The following ROBO1 variants were observed in gnomAD, a reference collection of about 807,000 sequenced individuals.
ROBO1 encodes roundabout homolog 1.
In ROBO1, 149 loss-of-function variants were observed where a neutral mutation model predicts 195.9. That is an observed-to-expected ratio of 0.76 (90% CI 0.67 to 0.87). ROBO1 has a LOEUF of 0.87. Ranked by LOEUF, ROBO1 falls within the 40% of genes least tolerant of loss-of-function variation. ROBO1 has a pLI of 0.00. For missense variants in ROBO1, 1,933 were observed against 2,068.3 expected (o/e 0.93, Z 1.27); for synonymous variants, 816 against 733.2 (o/e 1.11, Z -1.82).
chr3:79,414,199 T>TTC (rs911573952), intron 2 of ROBO1, among the ~76,000 whole-genome samples: 35 of 148,354 alleles, frequency 2.4e-4, no homozygotes, highest in Admixed American at 6.1e-4. Flanking sequence ...CTCTCTCTCT[T>TTC]TCTCTCTCTC....
chr3:78,695,161 C>T (rs1438258492), intron 8 of ROBO1, among the ~76,000 whole-genome samples: 2 of 151,438 alleles, frequency 1.3e-5, no homozygotes, highest in Non-Finnish European at 2.9e-5. Flanking sequence ...GGAGATACAC[C>T]TAATGTAAAT....
chr3:79,465,479 G>T (rs1032979097), intron 2 of ROBO1, among the ~76,000 whole-genome samples: 5 of 152,046 alleles, frequency 3.3e-5, no homozygotes, highest in African/African-American at 1.2e-4. Context: ...TTAACTTTTT[G>T]AATTCTCAAA....
intron 3 of ROBO1, among the ~76,000 whole-genome samples, chr3:78,966,334 T>C (rs527763668): frequency 1.3e-5 from 2 of 152,366 alleles, no homozygotes; most frequent in African/African-American, 4.8e-5. Flanking sequence ...GAAATCCCAA[T>C]CTGTAGCAAC....
chr3:79,012,247 T>C (rs1322562109), intron 3 of ROBO1, among the ~76,000 whole-genome samples: 1 of 152,208 alleles, frequency 6.6e-6, no homozygotes, highest in East Asian at 1.9e-4. Context: ...CTATTTCCTA[T>C]ATGCTGCATA....
chr3:78,873,857 A>G (rs963259208), intron 4 of ROBO1, among the ~76,000 whole-genome samples: 1 of 152,106 alleles, frequency 6.6e-6, no homozygotes, highest in Non-Finnish European at 1.5e-5. Flanking sequence ...TATATACAGC[A>G]ATACTATGAC....
intron 10 of ROBO1, among the ~76,000 whole-genome samples, chr3:78,671,403 A>G (rs889173263): frequency 6.6e-6 from 1 of 152,148 alleles, no homozygotes; most frequent in African/African-American, 2.4e-5. Context: ...ACAAATGTAC[A>G]AAGAAAGATT....
intron 2 of ROBO1, among the ~76,000 whole-genome samples, chr3:79,126,030 C>A (rs1275793186): frequency 3.9e-5 from 6 of 152,134 alleles, no homozygotes; most frequent in Admixed American, 2.6e-4. Flanking sequence ...TGGGGAAAAA[C>A]AGGTCTTGTC....
chr3:78,715,507 CA>C (rs1189139984), intron 7 of ROBO1, among the ~76,000 whole-genome samples: 7 of 152,120 alleles, frequency 4.6e-5, no homozygotes, highest in Non-Finnish European at 1.0e-4. Flanking sequence ...ATGTAACACC[CA>C]TAGTGCTAAC....
chr3:79,299,920 G>A (rs919247425), intron 2 of ROBO1, among the ~76,000 whole-genome samples: 3 of 150,676 alleles, frequency 2.0e-5, no homozygotes, highest in South Asian at 2.1e-4. Flanking sequence ...GAATATTAAC[G>A]ATATAAAAAA....
At chr3:78,895,957 C>T (rs1032207483) in intron 4 of ROBO1, among the ~76,000 whole-genome samples, 10 of 152,242 alleles carry the variant, frequency 6.6e-5, no homozygotes, top group East Asian at 5.8e-4. Context: ...GTTGGAAGAA[C>T]GGGTGTTTAA....
intron 11 of ROBO1, among the ~76,000 whole-genome samples, 199 bp downstream of exon 11, chr3:78,669,896 CA>C (rs1230755041): frequency 2.8e-4 from 43 of 152,032 alleles, no homozygotes; most frequent in African/African-American, 1.0e-3. Flanking sequence ...AATTACCTGC[CA>C]TGGACTAAAT....
chr3:79,498,528 A>T (rs115894839), intron 2 of ROBO1, among the ~76,000 whole-genome samples: 3,771 of 152,262 alleles, frequency 0.025, 171 homozygotes, highest in African/African-American at 0.086. Context: ...AAAACAGTTT[A>T]AAAATATGGT....
chr3:78,759,485 T>C (rs1283328921), intron 4 of ROBO1: 3 of 151,992 alleles, frequency 2.0e-5, no homozygotes, highest in Non-Finnish European at 2.9e-5. Context: ...AAAAATAAAA[T>C]CATTTTGTGC....
chr3:78,700,151 G>A (rs2081387540), intron 8 of ROBO1, among the ~76,000 whole-genome samples: 1 of 152,126 alleles, frequency 6.6e-6, no homozygotes, highest in African/African-American at 2.4e-5. Flanking sequence ...TTGAAAGGTG[G>A]AAGAAATGAC....
chr3:79,486,038 C>T (rs1416175897), intron 2 of ROBO1, among the ~76,000 whole-genome samples: 3 of 152,130 alleles, frequency 2.0e-5, no homozygotes, highest in Non-Finnish European at 4.4e-5. Context: ...AGTTCTGATG[C>T]TAATAATCAC....
Position 79,014,191 on chromosome 3 carries a change from C to T in ROBO1, c.173-75264G>A, listed in dbSNP as rs150690613. 1.1e-3 allele frequency among the ~76,000 whole-genome samples: 166 copies of T among 152,044 alleles called. 4 individuals are homozygous for T. In the East Asian group the frequency reaches 0.026, roughly 24 times the overall value. On this transcript the variant is annotated intron_variant, in intron 3 of 30. Transcript: ENST00000464233. ...ATTTTCAGAAATCCACTTTTTGGAC[C>T]GGGCACACTGGTTCATCCCTGTAAT...
chr3:79,187,916 G>T (rs2081470300), intron 2 of ROBO1, among the ~76,000 whole-genome samples: 1 of 151,946 alleles, frequency 6.6e-6, no homozygotes, highest in South Asian at 2.1e-4. Context: ...TGTAATTGTG[G>T]TTTTGCTCCT....
At position 78,631,158 on chromosome 3, in the gene ROBO1, T is replaced by TA; in HGVS notation, c.3626+2dup. 6.2e-7 allele frequency: 1 copy of TA among 1,609,358 alleles called. No homozygotes were observed. ...TTTACATCTGTTTGGATGCTCCTCT[T>TA]ACCTTTCATCTACAGAAATGTTGTA... On this transcript the variant is annotated splice_region_variant and intron_variant, in intron 25 of 30. Transcript: ENST00000464233.
At chr3:78,729,204 C>T (rs2082232753) in intron 5 of ROBO1, among the ~76,000 whole-genome samples, 1 of 152,150 alleles carries the variant, frequency 6.6e-6, no homozygotes, top group Admixed American at 6.5e-5. Context: ...CAGAAGCACA[C>T]CTATGATAAT....
Sources: gnomAD v4.1 joint callset for allele counts (sites outside exome capture counted in the v4.1 genomes callset) on GRCh38, gnomAD v4.1.1 for gene constraint, MANE v1.5 for transcripts, NCBI Gene and HGNC (gene_info 2026-07-23, HGNC 2026-07-21) for gene names.